Variants in CEP63 observed in about 807,000 individuals in gnomAD.
CEP63 encodes the protein centrosomal protein 63, also known as centrosomal protein of 63 kDa.
A neutral mutation model predicts 89.1 loss-of-function variants in CEP63; 84 were observed. The ratio of observed to expected loss-of-function variants is 0.94; its 90% confidence interval spans 0.79 to 1.13. CEP63 has a LOEUF of 1.13. Among genes scored for constraint, CEP63 ranks in the 50% most tolerant of loss-of-function variants. The probability of loss-of-function intolerance (pLI) is 0.00; values close to 1 mark genes in which losing one functional copy is unlikely to be tolerated. For synonymous variants in CEP63, 267 were observed against 272.5 expected, an observed-to-expected ratio of 0.98 and a Z score of 0.20; for missense variants, 838 against 813.3, an observed-to-expected ratio of 1.03 and a Z score of -0.37.
chr3:134,604,017 G>C, the CEP63 span: 5 of 1,614,002 alleles, frequency 3.1e-6, no homozygotes, highest in South Asian at 2.2e-5. Flanking sequence ...GCTTCTCCCG[G>C]TGCAGCTGGA....
chr3:134,541,873 A>G (rs1577221516), intron 6 of CEP63, among the ~76,000 whole-genome samples: 1 of 152,258 alleles, frequency 6.6e-6, no homozygotes, highest in East Asian at 1.9e-4. Context: ...ATTAAAATGT[A>G]TTTTATTAAA....
the CEP63 span, among the ~76,000 whole-genome samples, chr3:134,628,271 C>T: frequency 6.6e-6 from 1 of 152,178 alleles, no homozygotes; most frequent in Non-Finnish European, 1.5e-5. Context: ...AAGGTCAGGT[C>T]ATAATTAAAT....
At chr3:134,545,139 A>G (rs530863027) in intron 6 of CEP63, among the ~76,000 whole-genome samples, 52 of 152,168 alleles carry the variant, frequency 3.4e-4, no homozygotes, top group African/African-American at 1.2e-3. Context: ...AGCTGGGATT[A>G]CAGGCACGCG....
At chr3:134,771,257 A>G in the CEP63 span, among the ~76,000 whole-genome samples, 1 of 152,192 alleles carries the variant, frequency 6.6e-6, no homozygotes, top group Non-Finnish European at 1.5e-5. Flanking sequence ...ACTAGCAAAA[A>G]CCATGGAATA....
the CEP63 span, among the ~76,000 whole-genome samples, chr3:134,665,652 G>GACACACACACAC: frequency 1.1e-3 from 104 of 95,816 alleles, no homozygotes; most frequent in Non-Finnish European, 1.7e-3. Flanking sequence ...GGAAACAGAG[G>GACACACACACAC]ACACACACAC....
In CEP63 at chr3:134,531,871, A is replaced by G. The variant is rs1157681975; in HGVS notation, c.249A>G (p.Glu83=). The G allele has an allele frequency of 1.2e-6, 2 of 1,613,550 alleles. No individual in the cohort carries two copies. Among genetic ancestry groups the G allele is most frequent in the Admixed American group, 3.3e-5 (2 of 59,998 alleles). The change falls in exon 4 of 15, where the codon GAA becomes GAG. Residue 83 remains glutamate, a synonymous_variant. Transcript: ENST00000675561. ...TTGGAATGTTGCATCAGCAGGTAGA[A>G]GAACATGAAAAAATCAAGCAAGAGA... ...KEVGMLHQQV[E]EHEKIKQEMT... is the part of the protein sequence containing the mutation.
chr3:134,625,759 G>A, the CEP63 span, among the ~76,000 whole-genome samples: 4 of 152,244 alleles, frequency 2.6e-5, no homozygotes, highest in Non-Finnish European at 2.9e-5. Context: ...GTGTGATGGC[G>A]TTCTGGTAAC....
In CEP63 at chr3:134,564,326, C is replaced by A; in HGVS notation, c.*2791C>A. Reference sequence around the variant, plus strand: ...TGTCCTTCAGTTTGTCTCCTCTTCCCACACCCTGTCATGTGCTCCTAAAAC... The same window carrying A: ...TGTCCTTCAGTTTGTCTCCTCTTCCAACACCCTGTCATGTGCTCCTAAAAC... On this transcript the variant is annotated 3_prime_UTR_variant, in exon 15 of 15. Coordinates refer to ENST00000675561, the MANE Select transcript of CEP63 (RefSeq NM_001353108.3). 1 of 985,364 alleles carries A rather than the reference C, an allele frequency of 1.0e-6. No individual in the cohort carries two copies. Among genetic ancestry groups the A allele is most frequent in the African/African-American group, 1.7e-5 (1 of 57,314 alleles). The allele number at this position is 985,364 out of a possible 1,614,324, so 61.0% of individuals were successfully genotyped here.
At chr3:134,626,472 G>A in the CEP63 span, among the ~76,000 whole-genome samples, 1 of 152,314 alleles carries the variant, frequency 6.6e-6, no homozygotes, top group African/African-American at 2.4e-5. Context: ...ACTGCTCTCT[G>A]GGAGGGTGCA....
chr3:134,684,771 A>G, the CEP63 span, among the ~76,000 whole-genome samples: 4 of 152,230 alleles, frequency 2.6e-5, no homozygotes, highest in Non-Finnish European at 4.4e-5. Context: ...GTATTTGGCA[A>G]CACAGCAAGG....
intron 1 of CEP63, chr3:134,486,495 C>T (rs141776199): frequency 0.011 from 11,199 of 985,776 alleles, 81 homozygotes; most frequent in Non-Finnish European, 0.013. Context: ...GGTTCGGCCC[C>T]GCCAGGTGGT....
downstream of CEP63, among the ~76,000 whole-genome samples, chr3:134,575,850 C>A (rs931915305): frequency 2.0e-5 from 3 of 152,096 alleles, no homozygotes; most frequent in Admixed American, 6.6e-5. Context: ...TGGGCCCAAG[C>A]AATCCACCCT....
chr3:134,573,516 C>T (rs1958101065), intron 11 of CEP63, among the ~76,000 whole-genome samples: 1 of 152,062 alleles, frequency 6.6e-6, no homozygotes, highest in African/African-American at 2.4e-5. Flanking sequence ...AAGTCCTTTC[C>T]CCATGGTTTA....
chr3:134,628,129 G>T, the CEP63 span: 1 of 376,486 alleles, frequency 2.7e-6, no homozygotes, highest in Non-Finnish European at 4.9e-6. Flanking sequence ...GGAACCTGGT[G>T]TTCCTGCCCT....
chr3:134,564,659 G>A lies in CEP63; in HGVS notation c.*3124G>A. 1 of 985,348 alleles carries A rather than the reference G, an allele frequency of 1.0e-6. No homozygotes were observed. Among genetic ancestry groups the A allele is most frequent in the Non-Finnish European group, 1.2e-6 (1 of 829,850 alleles). The allele number at this position is 985,348 out of a possible 1,614,324, so 61.0% of individuals were successfully genotyped here. On this transcript the variant is annotated 3_prime_UTR_variant, in exon 15 of 15. Coordinates refer to ENST00000675561, the MANE Select transcript of CEP63 (RefSeq NM_001353108.3). ...TCTAATGGGGTCGAGAAGATTTACT[G>A]AAAATATATATTTGAAAGGGCTTTG...
At chr3:134,635,869 T>C in the CEP63 span, among the ~76,000 whole-genome samples, 1 of 152,252 alleles carries the variant, frequency 6.6e-6, no homozygotes, top group South Asian at 2.1e-4. Context: ...TTTCCACATT[T>C]AAAAATCCAA....
intron 3 of CEP63, among the ~76,000 whole-genome samples, chr3:134,519,270 C>T (rs562371518): frequency 1.8e-4 from 28 of 151,966 alleles, no homozygotes; most frequent in African/African-American, 5.5e-4. Context: ...TCTGCAGGTG[C>T]GCACCACCAT....
chr3:134,619,388 C>A, the CEP63 span: 2 of 721,586 alleles, frequency 2.8e-6, no homozygotes, highest in East Asian at 5.1e-5. Context: ...CTGAATGGAA[C>A]TACAGCCCCA....
At chr3:134,609,387 G>A in the CEP63 span, among the ~76,000 whole-genome samples, 1 of 152,212 alleles carries the variant, frequency 6.6e-6, no homozygotes, top group African/African-American at 2.4e-5. Flanking sequence ...AAGAGGAGCA[G>A]TGTTGAGAAT....
Sources: allele counts gnomAD v4.1 joint callset (sites outside exome capture counted in the v4.1 genomes callset), GRCh38; gene constraint gnomAD v4.1.1; transcripts MANE v1.5; gene names NCBI Gene and HGNC (gene_info 2026-07-23, HGNC 2026-07-21).